COL19A1: variants seen among roughly 807,000 people sequenced by gnomAD.
The protein encoded by COL19A1 is collagen type XIX alpha 1 chain, also known as collagen alpha-1(XIX) chain.
Under a neutral mutation model 190.2 loss-of-function variants are expected in COL19A1, and 159 were observed. The ratio of observed to expected loss-of-function variants is 0.84; its 90% CI spans 0.73 to 0.95. The LOEUF (loss-of-function observed/expected upper bound fraction) is 0.95. Ranked by LOEUF, COL19A1 falls within the 40% of genes least tolerant of loss-of-function variation. The pLI is 0.00. For synonymous variants in COL19A1, 509 were observed against 458.9 expected, an observed-to-expected ratio of 1.11 and a Z score of -1.39; for missense variants, 1,418 against 1,431.9, an observed-to-expected ratio of 0.99 and a Z score of 0.16.
At chr6:69,925,138 T>A (rs1183150603) in intron 4 of COL19A1, among the ~76,000 whole-genome samples, 8 of 152,222 alleles carry the variant, frequency 5.3e-5, no homozygotes, top group African/African-American at 1.7e-4. Context: ...GCTTTTGGTG[T>A]TTTAGACATG....
In COL19A1 at chr6:69,941,471, G is replaced by T. The variant is rs1773462145; in HGVS notation, c.936+3371G>T. The stretch of plus-strand genomic sequence containing the variant: ...ATTTGTGGCTTGATGAAGAACAAAG[G>T]AATCTTCATTTGTGAGATACTGCCT... On this transcript the variant is annotated intron_variant, in intron 9 of 50. Coordinates refer to ENST00000620364, the MANE Select transcript of COL19A1 (RefSeq NM_001858.6). Among the ~76,000 whole-genome samples, 4 of 152,084 alleles carry T rather than the reference G, an allele frequency of 2.6e-5. No individual in the cohort carries two copies. In the South Asian group the frequency reaches 8.3e-4, roughly 31 times the overall value.
At chr6:69,873,151 C>T (rs1767937075) in intron 1 of COL19A1, among the ~76,000 whole-genome samples, 1 of 152,084 alleles carries the variant, frequency 6.6e-6, no homozygotes, top group Non-Finnish European at 1.5e-5. Context: ...TGGATGTGCA[C>T]CCGCTCTCAG....
At chr6:70,008,020 A>G (rs1009518205) in intron 11 of COL19A1, among the ~76,000 whole-genome samples, 1 of 151,980 alleles carries the variant, frequency 6.6e-6, no homozygotes, top group African/African-American at 2.4e-5. Context: ...AAACATTTTG[A>G]GCTTAATAAA....
intron 19 of COL19A1, 74 bp from the exon 20 acceptor site, chr6:70,140,880 G>T: frequency 7.0e-7 from 1 of 1,433,170 alleles, no homozygotes; most frequent in South Asian, 1.2e-5. Context: ...TGGCCTATAG[G>T]GTTTATCCAC....
intron 11 of COL19A1, among the ~76,000 whole-genome samples, chr6:70,009,736 T>C (rs144955549): frequency 7.2e-5 from 11 of 152,232 alleles, no homozygotes; most frequent in Middle Eastern, 3.4e-3. Flanking sequence ...AGCTTAAAGA[T>C]AGACAAATAG....
At chr6:70,173,987 C>T (rs1765655161) in intron 41 of COL19A1, among the ~76,000 whole-genome samples, 1 of 151,990 alleles carries the variant, frequency 6.6e-6, no homozygotes, top group South Asian at 2.1e-4. Flanking sequence ...GAGGGTTTGG[C>T]TTCAGAGAGG....
At chr6:70,036,676 T>C (rs1040422701) in intron 14 of COL19A1, among the ~76,000 whole-genome samples, 9 of 152,078 alleles carry the variant, frequency 5.9e-5, no homozygotes, top group Non-Finnish European at 1.0e-4. Flanking sequence ...TTGTTTTTTT[T>C]AAAAAAGATC....
intron 16 of COL19A1, among the ~76,000 whole-genome samples, chr6:70,115,270 T>C (rs989246041): frequency 6.6e-6 from 1 of 152,242 alleles, no homozygotes; most frequent in African/African-American, 2.4e-5. Context: ...TGGAATGATT[T>C]TGGACTTGGT....
At chr6:69,878,603 A>G (rs1478571945) in intron 1 of COL19A1, among the ~76,000 whole-genome samples, 1 of 152,182 alleles carries the variant, frequency 6.6e-6, no homozygotes, top group Admixed American at 6.5e-5. Context: ...AAGAATGAAA[A>G]TCGTGCAGCT....
At chr6:69,925,391 T>G (rs1252121320) in intron 4 of COL19A1, among the ~76,000 whole-genome samples, 1 of 152,006 alleles carries the variant, frequency 6.6e-6, no homozygotes, top group Non-Finnish European at 1.5e-5. Context: ...AGATCAGATG[T>G]TTGTAGATGT....
intron 9 of COL19A1, among the ~76,000 whole-genome samples, chr6:69,959,554 G>A (rs949604178): frequency 6.6e-6 from 1 of 152,274 alleles, no homozygotes; most frequent in Admixed American, 6.5e-5. Context: ...GCAATGACCT[G>A]TAAGAAGTTC....
chr6:70,130,353 G>A (rs948634355), intron 18 of COL19A1, 130 bp downstream of exon 18: 16 of 675,902 alleles, frequency 2.4e-5, no homozygotes, highest in Non-Finnish European at 3.7e-5. Flanking sequence ...AGCCTCCCAA[G>A]TAGCTGGGAT....
intron 16 of COL19A1, among the ~76,000 whole-genome samples, chr6:70,102,971 C>T (rs1448079868): frequency 6.6e-6 from 1 of 152,114 alleles, no homozygotes; most frequent in Non-Finnish European, 1.5e-5. Context: ...GTTTTTTTCT[C>T]CTATGCCTGG....
At chr6:70,054,499 G>A (rs966276479) in intron 14 of COL19A1, among the ~76,000 whole-genome samples, 3 of 152,124 alleles carry the variant, frequency 2.0e-5, no homozygotes, top group African/African-American at 7.2e-5. Flanking sequence ...AAGTTGCCAG[G>A]TATGAAAATT....
chr6:70,173,399 TAGG>T (rs1765612582), intron 41 of COL19A1, among the ~76,000 whole-genome samples: 1 of 152,110 alleles, frequency 6.6e-6, no homozygotes, highest in Non-Finnish European at 1.5e-5. Flanking sequence ...CCTCCAGTAT[TAGG>T]AGATCAAGAA....
intron 15 of COL19A1, among the ~76,000 whole-genome samples, chr6:70,090,771 A>G (rs1229474216): frequency 6.6e-6 from 1 of 152,116 alleles, no homozygotes; most frequent in Non-Finnish European, 1.5e-5. Context: ...GCTTCACATC[A>G]CAATCACAGT....
chr6:70,027,644 C>G (rs372585920), intron 12 of COL19A1, among the ~76,000 whole-genome samples: 1 of 151,944 alleles, frequency 6.6e-6, no homozygotes, highest in Non-Finnish European at 1.5e-5. Context: ...CAAATGCATG[C>G]TCATATGTCC....
chr6:70,199,989 G>T (rs1245437469), intron 49 of COL19A1: 1 of 327,204 alleles, frequency 3.1e-6, no homozygotes, highest in African/African-American at 2.2e-5. Flanking sequence ...TAAATGTATT[G>T]TAAAAATAAT....
intron 2 of COL19A1, among the ~76,000 whole-genome samples, chr6:69,881,789 C>A (rs994242157): frequency 6.6e-6 from 1 of 152,150 alleles, no homozygotes. Context: ...TAAAGCAACA[C>A]GTACTGAATG....
Sources: gnomAD v4.1 joint callset for allele counts (sites outside exome capture counted in the v4.1 genomes callset) on GRCh38, gnomAD v4.1.1 for gene constraint, MANE v1.5 for transcripts, NCBI Gene and HGNC (gene_info 2026-07-23, HGNC 2026-07-21) for gene names.